ZNF548: variants seen among roughly 807,000 people sequenced by gnomAD.
ZNF548 encodes the protein zinc finger protein 548.
Under a neutral mutation model 10.2 loss-of-function variants are expected in ZNF548, and 10 were observed. The observed-to-expected ratio is 0.98, with a 90% CI of 0.60 to 1.66. ZNF548 has a LOEUF of 1.66. Among genes scored for constraint, ZNF548 ranks in the 40% most tolerant of loss-of-function variants. The probability of loss-of-function intolerance (pLI) is 0.00; values close to 1 mark genes in which losing one functional copy is unlikely to be tolerated. For synonymous variants in ZNF548, 217 were observed against 223.5 expected (o/e 0.97, Z 0.26); for missense variants, 599 against 657.0 (o/e 0.91, Z 0.97).
chr19:57,398,024 G>T (rs1332718044), intron 3 of ZNF548, among the ~76,000 whole-genome samples: 1 of 152,148 alleles, frequency 6.6e-6, no homozygotes, highest in African/African-American at 2.4e-5. Context: ...CCAACACGTG[G>T]CCTGTATTTA....
chr19:57,397,820 A>G (rs986353303), intron 3 of ZNF548, among the ~76,000 whole-genome samples: 10 of 152,164 alleles, frequency 6.6e-5, no homozygotes, highest in African/African-American at 2.2e-4. Flanking sequence ...GCTGGGGTCA[A>G]ATCACCCTGG....
In ZNF548 at chr19:57,395,513, G is replaced by C. The variant is rs1327232308; in HGVS notation, c.51+1290G>C. 6.6e-6 allele frequency among the ~76,000 whole-genome samples: 1 copy of C among 152,172 alleles called. No individual in the cohort carries two copies. Among genetic ancestry groups the C allele is most frequent in the Admixed American group, 6.5e-5 (1 of 15,272 alleles). ...GGGAGGCCTCAGGAAACACAATCCT[G>C]GCGGAAGGTGAAGGGGAAGCGAGGC... On this transcript the variant is annotated intron_variant, in intron 2 of 3. Coordinates refer to ENST00000336128, the MANE Select transcript of ZNF548 (RefSeq NM_001172773.2). The surrounding 1 kb of genome is among the most constrained non-coding windows in gnomAD (Gnocchi z 4.8).
Position 57,399,014 on chromosome 19 carries a change from C to T in ZNF548, c.763C>T (p.His255Tyr), listed in dbSNP as rs1489568506. ...TAAGTACAGTGCCAATTTCATGAAA[C>T]ATCAGACAGTTCACACTAGTGAAAG... Reference protein sequence around the residue: ...FFKYSANFMKHQTVHTSERTY... With the variant: ...FFKYSANFMKYQTVHTSERTY... The change falls in exon 4 of 4, where the codon CAT (histidine) becomes TAT (tyrosine). Residue 255 changes from histidine to tyrosine, a missense_variant. His to Tyr is a moderately conservative substitution (Grantham distance 83). Transcript: ENST00000336128. This position sits in a 1 kb window ranked among gnomAD's most constrained non-coding sequence, Gnocchi z 4.0. The T allele has an allele frequency of 1.2e-6, 2 of 1,614,040 alleles. No homozygotes were observed. Among genetic ancestry groups the T allele is most frequent in the Non-Finnish European group, 1.7e-6 (2 of 1,179,990 alleles).
Position 57,400,134 on chromosome 19 carries a change from T to G in ZNF548, c.*245T>G. 2.4e-6 allele frequency: 1 copy of G among 413,178 alleles called. No individual in the cohort carries two copies. The highest frequency in any genetic ancestry group is 3.7e-5 in the East Asian group (1 of 27,256). 25.6% of individuals were successfully genotyped at this position (413,178 alleles called of 1,614,324 possible). ...CTCATATAAGTGGATTCTACAGTAT[T>G]TATCTTTTGAGACTGGCTTATTTCA... On this transcript the variant is annotated 3_prime_UTR_variant, in exon 4 of 4. Transcript: ENST00000336128.
At position 57,398,795 on chromosome 19, in the gene ZNF548, C is replaced by T. The variant is rs201500041; in HGVS notation, c.544C>T (p.Gln182Ter). 420 of 1,613,996 alleles carry T rather than the reference C, an allele frequency of 2.6e-4. 1 individual carries two copies. The highest frequency in any genetic ancestry group is 3.2e-4 in the Non-Finnish European group (379 of 1,179,896). Residue 182 changes from glutamine to a stop codon, truncating the protein, a stop_gained, in exon 4 of 4, where the codon CAG (glutamine) becomes TAG (stop). Transcript: ENST00000336128. LOFTEE classifies it low-confidence loss of function (END_TRUNC). ...CTTACCAGCCACCTCATGCCTTCTC[C>T]AGCACCAGGGCCCTCAAAGCGAGTG... ...KDLPATSCLL[Q>*]HQGPQSEWKP...
chr19:57,402,436 C>G lies in ZNF548; in HGVS notation c.*2547C>G, dbSNP rs1464102532. Reference sequence around the variant, plus strand: ...ATCCGCTTGCCTTACCTAAGTTGTCCCCTGCAGCCTCAGGTTGCTGTTACT... The same window carrying G: ...ATCCGCTTGCCTTACCTAAGTTGTCGCCTGCAGCCTCAGGTTGCTGTTACT... On this transcript the variant is annotated 3_prime_UTR_variant, in exon 4 of 4. Transcript: ENST00000336128. The G allele has an allele frequency of 1.3e-5, 2 of 152,200 alleles. No homozygotes were observed. Among genetic ancestry groups the G allele is most frequent in the Non-Finnish European group, 2.9e-5 (2 of 68,042 alleles). 9.4% of individuals were successfully genotyped at this position (152,200 alleles called of 1,614,324 possible). A position where few individuals can be genotyped will look rare whatever the true frequency, so the allele number is the denominator to read the frequency against.
chr19:57,396,851 G>C, intron 2 of ZNF548, 197 bp from the exon 3 acceptor site: 1 of 714,830 alleles, frequency 1.4e-6, no homozygotes, highest in African/African-American at 1.8e-5. Context: ...ACCTGGCCCT[G>C]GGTTGATTTA....
At position 57,402,713 on chromosome 19, in the gene ZNF548, C is replaced by G. The variant is rs1299006080; in HGVS notation, c.*2824C>G. ...AGGCAATGTCATCTTTCCTTGTTAACATGATAACTCAGTAGAGCAATGCTT... is the reference window on the plus strand; with the variant it reads ...AGGCAATGTCATCTTTCCTTGTTAAGATGATAACTCAGTAGAGCAATGCTT... On this transcript the variant is annotated 3_prime_UTR_variant, in exon 4 of 4. Transcript: ENST00000336128. The G allele has an allele frequency of 6.6e-6, 1 of 152,186 alleles. No individual in the cohort carries two copies. Among genetic ancestry groups the G allele is most frequent in the African/African-American group, 2.4e-5 (1 of 41,442 alleles). The allele number at this position is 152,186 out of a possible 1,614,324, so 9.4% of individuals were successfully genotyped here. A position where few individuals can be genotyped will look rare whatever the true frequency, so the allele number is the denominator to read the frequency against.
At chr19:57,390,268 C>A (rs2088613608) in intron 1 of ZNF548, 154 bp downstream of exon 1, 1 of 773,960 alleles carries the variant, frequency 1.3e-6, no homozygotes, top group African/African-American at 1.7e-5. Flanking sequence ...CCTCAGAGCT[C>A]CCGTTAGGGA....
In ZNF548 at chr19:57,399,793, G is replaced by C; in HGVS notation, c.1542G>C (p.Glu514Asp). The C allele has an allele frequency of 6.2e-7, 1 of 1,614,022 alleles. No homozygotes were observed. Among genetic ancestry groups the C allele is most frequent in the Non-Finnish European group, 8.5e-7 (1 of 1,179,916 alleles). ...ATCACCAGAAAATCCACAGTGAAGA[G>C]AGGCTTGTGTGCTCCATGAATGTGG... ...LVHHQKIHSE[E>D]RLVCSMNVGN... The change falls in exon 4 of 4, where the codon GAG becomes GAC. Residue 514 changes from glutamate to aspartate, a missense_variant. Transcript: ENST00000336128. This position sits in a 1 kb window ranked among gnomAD's most constrained non-coding sequence, Gnocchi z 4.0.
intron 1 of ZNF548, among the ~76,000 whole-genome samples, chr19:57,391,789 G>GTTTTTT (rs71186258): frequency 1.9e-4 from 18 of 93,570 alleles, no homozygotes; most frequent in African/African-American, 1.6e-4. Flanking sequence ...TGTGCTTACT[G>GTTTTTT]TTTTTTTTTT....
intron 1 of ZNF548, among the ~76,000 whole-genome samples, chr19:57,393,877 A>G (rs1474881345): frequency 6.6e-6 from 1 of 152,174 alleles, no homozygotes. Context: ...CATTGAACTC[A>G]TGTACAAAAC....
In ZNF548 at chr19:57,398,827, A is replaced by G; in HGVS notation, c.576A>G (p.Pro192=). The G allele has an allele frequency of 3.7e-6, 6 of 1,614,068 alleles. No individual in the cohort carries two copies. Among genetic ancestry groups the G allele is most frequent in the Non-Finnish European group, 4.2e-6 (5 of 1,179,902 alleles). The change falls in exon 4 of 4, where the codon CCA becomes CCG. Residue 192 remains proline (P), a synonymous_variant. Transcript: ENST00000336128. The part of the protein sequence containing the change: ...QHQGPQSEWK[P]YRDTEDREAF... Reference sequence around the variant, plus strand: ...AGGGCCCTCAAAGCGAGTGGAAGCCATACAGGGACACAGAGGACAGAGAAG... The same window carrying G: ...AGGGCCCTCAAAGCGAGTGGAAGCCGTACAGGGACACAGAGGACAGAGAAG...
intron 1 of ZNF548, chr19:57,392,681 T>G (rs1170696459): frequency 1.6e-6 from 1 of 639,026 alleles, no homozygotes; most frequent in Non-Finnish European, 1.9e-6. Context: ...ACCACTGAGC[T>G]GTACACCTTA....
intron 3 of ZNF548, among the ~76,000 whole-genome samples, chr19:57,398,227 C>T (rs1242365490): frequency 6.6e-6 from 1 of 152,214 alleles, no homozygotes; most frequent in Non-Finnish European, 1.5e-5. Context: ...CCCTTGTATG[C>T]TTACCATCAT....
intron 3 of ZNF548, among the ~76,000 whole-genome samples, chr19:57,397,794 A>G (rs1241845417): frequency 6.6e-6 from 1 of 152,156 alleles, no homozygotes; most frequent in Non-Finnish European, 1.5e-5. Context: ...GAATTGGGAA[A>G]AGGGTTGATG....
intron 1 of ZNF548, among the ~76,000 whole-genome samples, chr19:57,392,212 T>G (rs1197387415): frequency 1.3e-5 from 2 of 152,258 alleles, no homozygotes; most frequent in Non-Finnish European, 2.9e-5. Flanking sequence ...ATGCATAGTT[T>G]GCAAATATTT....
intron 1 of ZNF548, among the ~76,000 whole-genome samples, chr19:57,391,555 G>A (rs1044792705): frequency 2.0e-5 from 3 of 151,900 alleles, no homozygotes; most frequent in African/African-American, 7.3e-5. Context: ...TTTCCATTGA[G>A]GTTGTACTTA....
In ZNF548 at chr19:57,400,571, TACAGGTGCCTGCCACC is replaced by T. The variant is rs1009088798; in HGVS notation, c.*685_*700del. The T allele has an allele frequency of 1.2e-4, 18 of 152,422 alleles. No individual in the cohort carries two copies. The highest frequency in any genetic ancestry group is 8.5e-4 in the Admixed American group (13 of 15,270). The allele number at this position is 152,422 out of a possible 1,614,324, so 9.4% of individuals were successfully genotyped here. A position where few individuals can be genotyped will look rare whatever the true frequency, so the allele number is the denominator to read the frequency against. On this transcript the variant is annotated 3_prime_UTR_variant, in exon 4 of 4. Coordinates refer to ENST00000336128, the MANE Select transcript of ZNF548 (RefSeq NM_001172773.2). ...CCTCACCCTCCCGAGTAGCTGGGAC[TACAGGTGCCTGCCACC>T]ACGCCTGGCTAATTTTTTTGTATTT...
Sources: gnomAD v4.1 joint callset for allele counts (sites outside exome capture counted in the v4.1 genomes callset) on GRCh38, gnomAD v4.1.1 for gene constraint, Gnocchi (gnomAD v3.1) non-coding constraint, MANE v1.5 for transcripts, NCBI Gene and HGNC (gene_info 2026-07-23, HGNC 2026-07-21) for gene names.